SLC14A2: variants seen among roughly 807,000 people sequenced by gnomAD.
The protein encoded by SLC14A2 is urea transporter 2.
A neutral mutation model predicts 104.6 loss-of-function variants in SLC14A2; 91 were observed. The ratio of observed to expected loss-of-function variants is 0.87; its 90% CI spans 0.73 to 1.04. The LOEUF (loss-of-function observed/expected upper bound fraction) is 1.04. Ranked by LOEUF, SLC14A2 falls within the 50% of genes least tolerant of loss-of-function variation. The pLI is 0.00. For missense variants in SLC14A2, 1,189 were observed against 1,156.0 expected, an observed-to-expected ratio of 1.03 and a Z score of -0.41; for synonymous variants, 476 against 466.4, an observed-to-expected ratio of 1.02 and a Z score of -0.27.
At chr18:45,444,894 C>T (rs1258283561) in intron 1 of SLC14A2, among the ~76,000 whole-genome samples, 1 of 152,236 alleles carries the variant, frequency 6.6e-6, no homozygotes, top group Non-Finnish European at 1.5e-5. Context: ...CAGCTAATAG[C>T]CCATTGGTTC....
At position 45,598,704 on chromosome 18, in the gene SLC14A2, T is replaced by C. The variant is rs187441016; in HGVS notation, c.-34-25927T>C. ...AGGAAGGAAAAGAGGTGGGTCTGCA[T>C]TGGCGGTGGGCATCAGGGACCTGGA... On this transcript the variant is annotated intron_variant, in intron 2 of 20. Transcript: ENST00000586448. Among the ~76,000 whole-genome samples, 310 of 152,296 alleles carry C rather than the reference T, an allele frequency of 2.0e-3. 3 individuals carry two copies. The highest frequency in any genetic ancestry group is 6.4e-3 in the African/African-American group (266 of 41,556).
chr18:45,328,417 A>C (rs1599678419), intron 1 of SLC14A2, among the ~76,000 whole-genome samples: 1 of 152,224 alleles, frequency 6.6e-6, no homozygotes, highest in Admixed American at 6.5e-5. Flanking sequence ...ACAAAAGCCA[A>C]CTCTGTCACA....
intron 1 of SLC14A2, among the ~76,000 whole-genome samples, chr18:45,369,491 A>C (rs2085700050): frequency 6.6e-6 from 1 of 152,212 alleles, no homozygotes; most frequent in Non-Finnish European, 1.5e-5. Context: ...CAGGGACCAA[A>C]GATGGGTATA....
chr18:45,449,143 C>T (rs73955818), intron 1 of SLC14A2, among the ~76,000 whole-genome samples: 5,026 of 152,284 alleles, frequency 0.033, 284 homozygotes, highest in African/African-American at 0.11. Flanking sequence ...CAGGCCAGTG[C>T]TTCATCTGCC....
intron 1 of SLC14A2, among the ~76,000 whole-genome samples, chr18:45,338,589 T>A (rs1386847590): frequency 2.9e-5 from 4 of 135,710 alleles, no homozygotes; most frequent in Admixed American, 1.7e-4. Context: ...CTCTAAAGTG[T>A]ATAAAAACAA....
At chr18:45,420,816 C>G (rs886635775) in intron 1 of SLC14A2, among the ~76,000 whole-genome samples, 2 of 151,400 alleles carry the variant, frequency 1.3e-5, no homozygotes, top group African/African-American at 4.9e-5. Flanking sequence ...TCTTGGCTCA[C>G]GGCAACCTCC....
the SLC14A2 span, among the ~76,000 whole-genome samples, chr18:45,175,412 C>T: frequency 7.2e-6 from 1 of 139,380 alleles, no homozygotes; most frequent in Non-Finnish European, 1.6e-5. Context: ...GGTAAGAAAA[C>T]GTTTAAAAAA....
chr18:45,680,731 T>C (rs1449232575), intron 19 of SLC14A2, among the ~76,000 whole-genome samples: 1 of 152,230 alleles, frequency 6.6e-6, no homozygotes, highest in African/African-American at 2.4e-5. Flanking sequence ...ATTATTCCTA[T>C]TTCGCTATTG....
rs1218675776 is a variant in SLC14A2, at chr18:45,338,142, G to C, written c.-125+124951G>C. On this transcript the variant is annotated intron_variant, in intron 1 of 20. Coordinates refer to the SLC14A2 transcript ENST00000586448. ...TCAGAAAATCTTTGAATCCACCTATGACCTGTAAGCTGACCACTACCCCTG... is the reference window on the plus strand; with the variant it reads ...TCAGAAAATCTTTGAATCCACCTATCACCTGTAAGCTGACCACTACCCCTG... Among the ~76,000 whole-genome samples the C allele has an allele frequency of 3.3e-5, 5 of 152,044 alleles. No homozygotes were observed. In the East Asian group the frequency reaches 9.6e-4, roughly 29 times the overall value.
chr18:45,242,028 T>C (rs1460718508), intron 1 of SLC14A2, among the ~76,000 whole-genome samples: 3 of 152,186 alleles, frequency 2.0e-5, no homozygotes, highest in Admixed American at 1.3e-4. Context: ...TAAAAACTTC[T>C]GCATTCTACA....
At position 45,235,826 on chromosome 18, in the gene SLC14A2, T is replaced by C. The variant is rs568012551; in HGVS notation, c.-125+22635T>C. ...GTGTGTGTGTGTGTATATATATATA[T>C]ATATACGTGTATATATATATGTATA... On this transcript the variant is annotated intron_variant, in intron 1 of 20. Transcript: ENST00000586448. Among the ~76,000 whole-genome samples the C allele has an allele frequency of 1.1e-3, 108 of 99,590 alleles. 3 individuals carry two copies. Among genetic ancestry groups the C allele is most frequent in the Non-Finnish European group, 1.2e-3 (54 of 45,006 alleles). The allele number at this position is 99,590 out of a possible 152,430, so 65.3% of individuals were successfully genotyped here. A position where few individuals can be genotyped will look rare whatever the true frequency, so the allele number is the denominator to read the frequency against.
chr18:45,278,947 T>G (rs2084732626), intron 1 of SLC14A2, among the ~76,000 whole-genome samples: 3 of 152,194 alleles, frequency 2.0e-5, no homozygotes, highest in Admixed American at 2.0e-4. Flanking sequence ...ATACATGATC[T>G]CACAACAGTC....
intron 1 of SLC14A2, among the ~76,000 whole-genome samples, chr18:45,258,156 G>A (rs1168455226): frequency 9.7e-6 from 1 of 102,774 alleles, no homozygotes; most frequent in Non-Finnish European, 2.1e-5. Context: ...CTTTTCCAAG[G>A]TCACCTGTTG....
At chr18:45,249,188 G>C (rs2084396470) in intron 1 of SLC14A2, among the ~76,000 whole-genome samples, 1 of 151,986 alleles carries the variant, frequency 6.6e-6, no homozygotes, top group Non-Finnish European at 1.5e-5. Context: ...AGTATCAATA[G>C]AGAAGGAAAT....
chr18:45,184,172 T>C, the SLC14A2 span, among the ~76,000 whole-genome samples: 3 of 152,166 alleles, frequency 2.0e-5, no homozygotes, highest in African/African-American at 7.2e-5. Context: ...TTAAAAATGA[T>C]CTCTACTTTT....
chr18:45,597,035 G>A (rs1344079630), intron 2 of SLC14A2, among the ~76,000 whole-genome samples: 3 of 152,224 alleles, frequency 2.0e-5, no homozygotes, highest in African/African-American at 2.4e-5. Context: ...CTCCAAAGAA[G>A]GTTGGTTGCA....
At position 45,288,476 on chromosome 18, in the gene SLC14A2, T is replaced by A. The variant is rs376692487; in HGVS notation, c.-125+75285T>A. 2.0e-5 allele frequency among the ~76,000 whole-genome samples: 3 copies of A among 152,318 alleles called. 1 individual carries two copies. Among genetic ancestry groups the A allele is most frequent in the African/African-American group, 7.2e-5 (3 of 41,572 alleles). ...ACTTTCCTTGTCTGAGGAAAGGCCC[T>A]TCCCCTACAGGTACCCCTGTTCTGG... On this transcript the variant is annotated intron_variant, in intron 1 of 20. Coordinates refer to the SLC14A2 transcript ENST00000586448.
In SLC14A2 at chr18:45,656,466, G is replaced by A. The variant is rs374951744; in HGVS notation, c.1352-7319G>A. On this transcript the variant is annotated intron_variant, in intron 10 of 19. Coordinates refer to ENST00000255226, the MANE Select transcript of SLC14A2 (RefSeq NM_007163.4). ...ATTCTTGGCAATAGGGAGCATGTAGGTTATTGAGTAAGAGAGTGACATAAT... is the reference window on the plus strand; with the variant it reads ...ATTCTTGGCAATAGGGAGCATGTAGATTATTGAGTAAGAGAGTGACATAAT... 5.9e-5 allele frequency among the ~76,000 whole-genome samples: 9 copies of A among 152,350 alleles called. No individual in the cohort carries two copies. The South Asian group carries it at 1.9e-3, about 32-fold the overall frequency.
At position 45,617,686 on chromosome 18, in the gene SLC14A2, C is replaced by T. The variant is rs531105305; in HGVS notation, c.-35+2104C>T. Among the ~76,000 whole-genome samples, 4 of 152,250 alleles carry T rather than the reference C, an allele frequency of 2.6e-5. No individual in the cohort carries two copies. In the East Asian group the frequency reaches 7.8e-4, roughly 30 times the overall value. On this transcript the variant is annotated intron_variant, in intron 1 of 19. Transcript: ENST00000255226. The stretch of plus-strand genomic sequence containing the variant: ...CTGATCTCCCTGATGTGTGATCCAC[C>T]AGTCCAGGGGCCTCATCTGTCCCCA...
Sources: allele counts gnomAD v4.1 joint callset (sites outside exome capture counted in the v4.1 genomes callset), GRCh38; gene constraint gnomAD v4.1.1; transcripts MANE v1.5; gene names NCBI Gene and HGNC (gene_info 2026-07-23, HGNC 2026-07-21).